The following EBNA1BP2 variants were observed in gnomAD, a reference collection of about 807,000 sequenced individuals.
EBNA1BP2 encodes probable rRNA-processing protein EBP2.
In EBNA1BP2, 36 loss-of-function variants were observed where a neutral mutation model predicts 43.5. That is an observed-to-expected ratio of 0.83 (90% CI 0.63 to 1.09). The LOEUF (loss-of-function observed/expected upper bound fraction) is 1.09. EBNA1BP2 is among the 50% of genes least tolerant of loss of function. The pLI is 0.00. For synonymous variants in EBNA1BP2, 127 were observed against 141.3 expected, an observed-to-expected ratio of 0.90 and a Z score of 0.72; for missense variants, 332 against 379.1, an observed-to-expected ratio of 0.88 and a Z score of 1.03.
At chr1:43,171,816 T>A in intron 2 of EBNA1BP2, 70 bp downstream of exon 2, 1 of 1,588,962 alleles carries the variant, frequency 6.3e-7, no homozygotes, top group African/African-American at 1.3e-5. Flanking sequence ...CAAGAATCGG[T>A]CTCCCAAGCC....
At chr1:43,169,375 A>G (rs1268101241) in intron 4 of EBNA1BP2, among the ~76,000 whole-genome samples, 2 of 152,188 alleles carry the variant, frequency 1.3e-5, no homozygotes, top group Non-Finnish European at 2.9e-5. Context: ...CTTTTCTAGT[A>G]TACCACATAC....
In EBNA1BP2 at chr1:43,164,763, A is replaced by G; in HGVS notation, c.750T>C (p.Phe250=). The G allele has an allele frequency of 6.2e-7, 1 of 1,614,212 alleles. No individual in the cohort carries two copies. Among genetic ancestry groups the G allele is most frequent in the Non-Finnish European group, 8.5e-7 (1 of 1,180,040 alleles). The change falls in exon 8 of 9, where the codon TTT becomes TTC. Residue 250 remains phenylalanine, a synonymous_variant. Transcript: ENST00000236051. ...KRRYKNQKFG[F]GGKKKGSKWN... ...ACTTTGAGCCTTTCTTCTTTCCACC[A>G]AAACCAAACTTCTGGTTTTTATACC...
chr1:43,164,368 G>A lies in EBNA1BP2; in HGVS notation c.*75C>T. 1 of 1,566,896 alleles carries A rather than the reference G, an allele frequency of 6.4e-7. No individual in the cohort carries two copies. The highest frequency in any genetic ancestry group is 8.8e-7 in the Non-Finnish European group (1 of 1,137,738). The stretch of plus-strand genomic sequence containing the variant: ...AAATGTTTACAACATGACACCAACA[G>A]AAGGGATCAAAGTGTGTCGTGAAAT... On this transcript the variant is annotated 3_prime_UTR_variant, in exon 9 of 9. Transcript: ENST00000236051.
upstream of EBNA1BP2, chr1:43,172,369 TTGAAAGTGTC>T: frequency 1.9e-6 from 3 of 1,551,342 alleles, no homozygotes; most frequent in Non-Finnish European, 1.7e-6. Context: ...GCTACGGCGT[TTGAAAGTGTC>T]CGGGTTGCTT....
intron 2 of EBNA1BP2, 101 bp from the exon 3 acceptor site, chr1:43,171,752 C>A: frequency 6.4e-7 from 1 of 1,562,562 alleles, no homozygotes; most frequent in Non-Finnish European, 8.7e-7. Context: ...ATCCCCAATA[C>A]CCAGACAGGT....
rs1341256453 is a variant in EBNA1BP2, at chr1:43,164,816, A to G, written c.708-11T>C. 3 of 1,613,984 alleles carry G rather than the reference A, an allele frequency of 1.9e-6. No individual in the cohort carries two copies. Among genetic ancestry groups the G allele is most frequent in the South Asian group, 1.1e-5 (1 of 91,064 alleles). On this transcript the variant is annotated splice_polypyrimidine_tract_variant and intron_variant, in intron 7 of 8. Transcript: ENST00000236051. Reference sequence around the variant, plus strand: ...CGTTTAGCACTGGGCCTGGAAAAGAATGGTCCTAGACATCACTACAGCACT... The same window carrying G: ...CGTTTAGCACTGGGCCTGGAAAAGAGTGGTCCTAGACATCACTACAGCACT...
chr1:43,167,641 C>T (rs183114977), intron 5 of EBNA1BP2, among the ~76,000 whole-genome samples: 14 of 152,200 alleles, frequency 9.2e-5, no homozygotes, highest in South Asian at 4.1e-4. Context: ...CACATTTGGA[C>T]AGATTAATTA....
chr1:43,171,260 G>A, intron 3 of EBNA1BP2: 1 of 581,398 alleles, frequency 1.7e-6, no homozygotes, highest in Non-Finnish European at 2.7e-6. Flanking sequence ...GTTTTAACAT[G>A]AATATTTCAA....
chr1:43,168,881 C>T lies in EBNA1BP2; in HGVS notation c.537+58G>A, dbSNP rs569718228. On this transcript the variant is annotated intron_variant, in intron 5 of 8. Coordinates refer to ENST00000236051, the MANE Select transcript of EBNA1BP2 (RefSeq NM_006824.3). ...TTCAGGGGACCAAGTCAGACCACGG[C>T]AATCTCATCTAACACACACTCCGCC... 68 of 1,560,652 alleles carry T rather than the reference C, an allele frequency of 4.4e-5. No individual in the cohort carries two copies. The Admixed American group carries it at 7.0e-4, about 16-fold the overall frequency.
intron 2 of EBNA1BP2, 21 bp from the exon 3 acceptor site, chr1:43,171,672 G>A (rs1644974438): frequency 1.2e-6 from 2 of 1,610,664 alleles, no homozygotes; most frequent in Admixed American, 1.7e-5. Context: ...CAGACACTGA[G>A]CTCACAAGAA....
intron 7 of EBNA1BP2, among the ~76,000 whole-genome samples, chr1:43,165,459 T>C (rs370173655): frequency 9.9e-5 from 15 of 152,280 alleles, no homozygotes; most frequent in South Asian, 6.2e-4. Context: ...TCTCACTCTT[T>C]ATACCCAATT....
chr1:43,172,538 G>A (rs867776911), upstream of EBNA1BP2: 181 of 1,255,174 alleles, frequency 1.4e-4, no homozygotes, highest in Middle Eastern at 2.2e-3. Context: ...AGCCGCGGGG[G>A]TGGGGTGGCG....
chr1:43,166,527 G>C (rs535479312), intron 7 of EBNA1BP2, among the ~76,000 whole-genome samples: 19 of 152,222 alleles, frequency 1.2e-4, no homozygotes, highest in African/African-American at 4.6e-4. Context: ...AGAATTACTT[G>C]AGCCCAGGTG....
intron 4 of EBNA1BP2, among the ~76,000 whole-genome samples, chr1:43,169,920 C>T (rs1386004374): frequency 2.0e-5 from 3 of 151,360 alleles, no homozygotes; most frequent in Non-Finnish European, 4.4e-5. Context: ...TGCAAAGGAT[C>T]TAGGTTGCCT....
At chr1:43,165,827 G>A (rs575940436) in intron 7 of EBNA1BP2, among the ~76,000 whole-genome samples, 7 of 152,196 alleles carry the variant, frequency 4.6e-5, no homozygotes, top group South Asian at 4.2e-4. Context: ...GGCTTTGCTC[G>A]TTCAAGCTCT....
At position 43,164,507 on chromosome 1, in the gene EBNA1BP2, C is replaced by T. The variant is rs747979294; in HGVS notation, c.871-14G>A. On this transcript the variant is annotated splice_polypyrimidine_tract_variant and intron_variant, in intron 8 of 8. Coordinates refer to ENST00000236051, the MANE Select transcript of EBNA1BP2 (RefSeq NM_006824.3). ...TCCAGGTCTCTTCTACAGAAAAAGA[C>T]ATACCACATCTGGTCACATAGCAGC... 44 of 1,614,044 alleles carry T rather than the reference C, an allele frequency of 2.7e-5. No homozygotes were observed. In the Admixed American group the frequency reaches 4.7e-4, roughly 17 times the overall value.
At chr1:43,171,752 C>T (rs774957422) in intron 2 of EBNA1BP2, 101 bp from the exon 3 acceptor site, 3 of 1,562,444 alleles carry the variant, frequency 1.9e-6, no homozygotes, top group African/African-American at 2.7e-5. Flanking sequence ...ATCCCCAATA[C>T]CCAGACAGGT....
At chr1:43,167,134 C>T (rs747588254) in intron 6 of EBNA1BP2, 26 bp downstream of exon 6, 47 of 1,606,208 alleles carry the variant, frequency 2.9e-5, no homozygotes, top group Non-Finnish European at 3.6e-5. Flanking sequence ...CTGCTACCCT[C>T]GTTCCCCTAT....
rs575143790 is a variant in EBNA1BP2, at chr1:43,165,253, AAATAACATTCAAATGG to A, written c.708-464_708-449del. Among the ~76,000 whole-genome samples, 84 of 152,366 alleles carry A rather than the reference AAATAACATTCAAATGG, an allele frequency of 5.5e-4. 1 individual carries two copies. In the Middle Eastern group the frequency reaches 0.01, roughly 19 times the overall value. On this transcript the variant is annotated intron_variant, in intron 7 of 8. Coordinates refer to ENST00000236051, the MANE Select transcript of EBNA1BP2 (RefSeq NM_006824.3). The stretch of plus-strand genomic sequence containing the variant: ...CATTCAAATGTAATTATAGGCATTC[AAATAACATTCAAATGG>A]AATAACATTCAAATGTAAAACTGGT...
Sources: gnomAD v4.1 joint callset for allele counts (sites outside exome capture counted in the v4.1 genomes callset) on GRCh38, gnomAD v4.1.1 for gene constraint, MANE v1.5 for transcripts, NCBI Gene and HGNC (gene_info 2026-07-23, HGNC 2026-07-21) for gene names.